The following PARP8 variants were observed in gnomAD, a reference collection of about 807,000 sequenced individuals.
The protein encoded by PARP8 is poly(ADP-ribose) polymerase family member 8.
In PARP8, 51 loss-of-function variants were observed where a neutral mutation model predicts 124.1. The ratio of observed to expected loss-of-function variants is 0.41; its 90% CI spans 0.33 to 0.52. PARP8 has a LOEUF of 0.52. PARP8 is among the 20% of genes least tolerant of loss of function. The probability of loss-of-function intolerance (pLI) is 0.21; values close to 1 mark genes in which losing one functional copy is unlikely to be tolerated. For synonymous variants in PARP8, 391 were observed against 361.5 expected (o/e 1.08, Z -0.93); for missense variants, 860 against 1,018.9 (o/e 0.84, Z 2.12).
rs578064260 is a variant in PARP8, at chr5:50,671,210, T to G, written c.146+3085T>G. Among the ~76,000 whole-genome samples the G allele has an allele frequency of 3.9e-5, 6 of 152,248 alleles. No individual in the cohort carries two copies. In the South Asian group the frequency reaches 1.2e-3, roughly 32 times the overall value. On this transcript the variant is annotated intron_variant, in intron 2 of 25. Coordinates refer to ENST00000281631, the MANE Select transcript of PARP8 (RefSeq NM_024615.4). ...GTTTTACTGATTAGCAATAAACTCC[T>G]TAAAACCCAAAGGTTTGGGCTTCTG...
chr5:50,670,668 G>A (rs1749906623), intron 2 of PARP8, among the ~76,000 whole-genome samples: 1 of 152,154 alleles, frequency 6.6e-6, no homozygotes, highest in Non-Finnish European at 1.5e-5. Flanking sequence ...TTATATCCTT[G>A]CTTTTGGATG....
intron 2 of PARP8, among the ~76,000 whole-genome samples, chr5:50,698,482 T>G (rs1249432032): frequency 2.0e-5 from 3 of 152,202 alleles, no homozygotes; most frequent in African/African-American, 7.2e-5. Flanking sequence ...TTACTTCTTA[T>G]TACTGTGATA....
chr5:50,810,995 G>A (rs1180887551), intron 14 of PARP8, among the ~76,000 whole-genome samples: 1 of 152,038 alleles, frequency 6.6e-6, no homozygotes, highest in East Asian at 1.9e-4. Context: ...TGATGGCAAA[G>A]TGTTTTGGTT....
At chr5:50,793,637 T>G (rs1261118222) in intron 10 of PARP8, among the ~76,000 whole-genome samples, 1 of 152,234 alleles carries the variant, frequency 6.6e-6, no homozygotes, top group Non-Finnish European at 1.5e-5. Flanking sequence ...GAAGATATAA[T>G]TTGCTGACCA....
intron 2 of PARP8, among the ~76,000 whole-genome samples, chr5:50,733,804 C>T (rs1368493107): frequency 1.3e-5 from 2 of 152,038 alleles, no homozygotes; most frequent in Admixed American, 6.6e-5. Flanking sequence ...TTCCTTCTTA[C>T]CAAGCCAGAT....
chr5:50,795,049 A>G lies in PARP8; in HGVS notation c.1060A>G (p.Met354Val), dbSNP rs371543720. 32 of 1,614,100 alleles carry G rather than the reference A, an allele frequency of 2.0e-5. No individual in the cohort carries two copies. In the African/African-American group the frequency reaches 4.0e-4, roughly 20 times the overall value. Residue 354 changes from methionine (M) to valine (V), a missense_variant, in exon 12 of 26, where the codon ATG (methionine) becomes GTG (valine). This residue lies in a region of PARP8 where 517 missense variants were observed against 544.2 expected (regional missense o/e 0.95). Coordinates refer to ENST00000281631, the MANE Select transcript of PARP8 (RefSeq NM_024615.4). ...CAGCGATCCCAGGGCGGAGCAGGCT[A>G]TGACAGCAATTAAATCGCACAAACT... ...LSSDPRAEQA[M>V]TAIKSHKLLN...
chr5:50,818,900 T>C (rs1745427769), intron 15 of PARP8, among the ~76,000 whole-genome samples: 1 of 152,206 alleles, frequency 6.6e-6, no homozygotes, highest in Non-Finnish European at 1.5e-5. Flanking sequence ...ACTTTCTGTG[T>C]GGTGACCGGG....
At chr5:50,688,605 A>G (rs1206821050) in intron 2 of PARP8, among the ~76,000 whole-genome samples, 1 of 152,234 alleles carries the variant, frequency 6.6e-6, no homozygotes, top group African/African-American at 2.4e-5. Context: ...ACTCACATAT[A>G]TGGCTTAAAA....
intron 3 of PARP8, among the ~76,000 whole-genome samples, chr5:50,758,245 A>G (rs1760176450): frequency 6.6e-6 from 1 of 152,184 alleles, no homozygotes; most frequent in Non-Finnish European, 1.5e-5. Flanking sequence ...AAAACCTCAC[A>G]TGCTCCATGA....
chr5:50,682,162 T>C (rs765926108), intron 2 of PARP8, among the ~76,000 whole-genome samples: 6 of 152,170 alleles, frequency 3.9e-5, no homozygotes, highest in Non-Finnish European at 7.4e-5. Context: ...AGAATTTTGC[T>C]GTTTGATCAA....
chr5:50,765,754 A>G (rs1760994360), intron 7 of PARP8, among the ~76,000 whole-genome samples: 1 of 152,190 alleles, frequency 6.6e-6, no homozygotes, highest in African/African-American at 2.4e-5. Context: ...ATTTACTTAA[A>G]TGGGAATGAA....
At chr5:50,706,712 A>G (rs1240365643) in intron 2 of PARP8, among the ~76,000 whole-genome samples, 1 of 152,084 alleles carries the variant, frequency 6.6e-6, no homozygotes, top group African/African-American at 2.4e-5. Context: ...ACACATAAGC[A>G]CACACTCACA....
intron 3 of PARP8, among the ~76,000 whole-genome samples, chr5:50,755,274 A>G (rs1759799259): frequency 6.6e-6 from 1 of 152,020 alleles, no homozygotes; most frequent in Admixed American, 6.6e-5. Context: ...GTCCTGAATG[A>G]TATTGCCTAG....
At chr5:50,676,385 G>C (rs1394790975) in intron 2 of PARP8, among the ~76,000 whole-genome samples, 6 of 152,186 alleles carry the variant, frequency 3.9e-5, no homozygotes, top group Admixed American at 1.3e-4. Context: ...TTTTCTACAT[G>C]AGGGTGTATT....
rs1285166005 is a variant in PARP8, at chr5:50,740,046, G to C, written c.147-10105G>C. ...TTACAGGCATGAGCTACTGCGCCCG[G>C]CCTGGGTTTATATATTTTTAGTAAG... is the stretch of plus-strand genomic sequence containing the variant. On this transcript the variant is annotated intron_variant, in intron 2 of 25. Transcript: ENST00000281631. 4.6e-5 allele frequency among the ~76,000 whole-genome samples: 7 copies of C among 152,060 alleles called. No individual in the cohort carries two copies. The East Asian group carries it at 1.4e-3, about 29-fold the overall frequency.
At chr5:50,829,558 TC>T (rs1746719472) in intron 21 of PARP8, among the ~76,000 whole-genome samples, 1 of 152,136 alleles carries the variant, frequency 6.6e-6, no homozygotes, top group South Asian at 2.1e-4. Flanking sequence ...AACATATAAA[TC>T]CTAATCAGAA....
intron 15 of PARP8, among the ~76,000 whole-genome samples, chr5:50,820,088 T>C (rs1745589546): frequency 6.6e-6 from 1 of 152,146 alleles, no homozygotes; most frequent in Non-Finnish European, 1.5e-5. Context: ...GCATGTTATG[T>C]CTGGTGTCTT....
chr5:50,780,767 C>A (rs1740578576), intron 9 of PARP8, among the ~76,000 whole-genome samples: 1 of 152,160 alleles, frequency 6.6e-6, no homozygotes, highest in South Asian at 2.1e-4. Flanking sequence ...GTGAATGAGA[C>A]AAACTTGTCC....
In PARP8 at chr5:50,781,709, T is replaced by A. The variant is rs149684230; in HGVS notation, c.670+3059T>A. 3.3e-4 allele frequency among the ~76,000 whole-genome samples: 50 copies of A among 152,330 alleles called. 1 individual carries two copies. The East Asian group carries it at 7.1e-3, about 22-fold the overall frequency. On this transcript the variant is annotated intron_variant, in intron 9 of 25. Transcript: ENST00000281631. ...CTTTTTCCTGGGGAGTGCAGATAAGTACTTGGCAGTTTTTTTAATCTTCCC... is the reference window on the plus strand; with the variant it reads ...CTTTTTCCTGGGGAGTGCAGATAAGAACTTGGCAGTTTTTTTAATCTTCCC...
Sources: gnomAD v4.1 joint callset for allele counts (sites outside exome capture counted in the v4.1 genomes callset) on GRCh38, gnomAD v4.1.1 for gene constraint, gnomAD v4.1.1 regional missense constraint, MANE v1.5 for transcripts, NCBI Gene and HGNC (gene_info 2026-07-23, HGNC 2026-07-21) for gene names.